Variants in PLPPR4 observed in about 807,000 individuals in gnomAD.
The protein encoded by PLPPR4 is phospholipid phosphatase related 4, also known as phospholipid phosphatase-related protein type 4.
Under a neutral mutation model 56.6 loss-of-function variants are expected in PLPPR4, and 24 were observed. The ratio of observed to expected loss-of-function variants is 0.42; its 90% CI spans 0.31 to 0.60. PLPPR4 has a LOEUF of 0.60. PLPPR4 is among the 20% of genes least tolerant of loss of function. PLPPR4 has a pLI of 0.13. For synonymous variants in PLPPR4, 326 were observed against 328.1 expected, an observed-to-expected ratio of 0.99 and a Z score of 0.07; for missense variants, 654 against 885.8, an observed-to-expected ratio of 0.74 and a Z score of 3.32.
intron 2 of PLPPR4, among the ~76,000 whole-genome samples, chr1:99,293,938 C>T (rs1288387616): frequency 6.6e-6 from 1 of 152,062 alleles, no homozygotes; most frequent in Admixed American, 6.6e-5. Flanking sequence ...ACAACAACAA[C>T]AAATTGCGTC....
At chr1:99,287,509 CA>C (rs1659495942) in intron 1 of PLPPR4, among the ~76,000 whole-genome samples, 1 of 152,194 alleles carries the variant, frequency 6.6e-6, no homozygotes, top group South Asian at 2.1e-4. Flanking sequence ...TTCCCACCAA[CA>C]GTGTAAAAGC....
In PLPPR4 at chr1:99,306,508, A is replaced by T; in HGVS notation, c.1646A>T (p.Glu549Val). Residue 549 changes from glutamate (E) to valine (V), a missense_variant, in exon 7 of 7, where the codon GAA becomes GTA. Transcript: ENST00000370185. This position sits in a 1 kb window ranked among gnomAD's most constrained non-coding sequence, Gnocchi z 4.0. ...GVLQSSPKNTEGSTVSCTGSI... is the reference protein window; with the variant it reads ...GVLQSSPKNTVGSTVSCTGSI... ...CTCCAAAGCAGCCCCAAGAACACTG[A>T]AGGCAGCACGGTCTCCTGCACTGGC... 6.2e-7 allele frequency: 1 copy of T among 1,614,136 alleles called. No homozygotes were observed. The highest frequency in any genetic ancestry group is 1.1e-5 in the South Asian group (1 of 91,072).
chr1:99,290,071 G>T (rs1266361058), intron 2 of PLPPR4, among the ~76,000 whole-genome samples: 2 of 152,162 alleles, frequency 1.3e-5, no homozygotes, highest in African/African-American at 4.8e-5. Context: ...AGCTTCTTAA[G>T]CTGATAAGCA....
chr1:99,287,498 A>G (rs1659495819), intron 1 of PLPPR4, among the ~76,000 whole-genome samples: 2 of 152,186 alleles, frequency 1.3e-5, no homozygotes, highest in South Asian at 2.1e-4. Flanking sequence ...ACTAATTTAC[A>G]TTCCCACCAA....
At chr1:99,274,547 T>C (rs116311208) in intron 1 of PLPPR4, among the ~76,000 whole-genome samples, 3,970 of 152,272 alleles carry the variant, frequency 0.026, 170 homozygotes, top group African/African-American at 0.087. Flanking sequence ...GTGCATACAA[T>C]GGTGGAGCAG....
At chr1:99,299,911 TA>T in intron 4 of PLPPR4, among the ~76,000 whole-genome samples, 1 of 152,014 alleles carries the variant, frequency 6.6e-6, no homozygotes, top group East Asian at 1.9e-4. Flanking sequence ...TCAAAAGAAA[TA>T]AATTGCAGAG....
intron 1 of PLPPR4, among the ~76,000 whole-genome samples, chr1:99,265,067 C>T (rs1658856435): frequency 6.6e-6 from 1 of 151,994 alleles, no homozygotes; most frequent in African/African-American, 2.4e-5. Context: ...TCCGTGTGCA[C>T]ACAGCTATGC....
intron 1 of PLPPR4, among the ~76,000 whole-genome samples, chr1:99,267,162 G>C (rs1436476896): frequency 1.3e-5 from 2 of 152,064 alleles, no homozygotes; most frequent in Non-Finnish European, 2.9e-5. Flanking sequence ...ACAGTCCCTG[G>C]TTCTCAAGTC....
chr1:99,273,477 G>A (rs1196735908), intron 1 of PLPPR4, among the ~76,000 whole-genome samples: 4 of 152,052 alleles, frequency 2.6e-5, no homozygotes, highest in African/African-American at 7.2e-5. Flanking sequence ...AAAAGTCTGC[G>A]CTATGGGTTT....
intron 1 of PLPPR4, among the ~76,000 whole-genome samples, chr1:99,265,155 C>A (rs1023368785): frequency 2.3e-5 from 3 of 131,460 alleles, no homozygotes; most frequent in East Asian, 2.5e-4. Context: ...CCCCCCCCCC[C>A]CAAATCCTTC....
In PLPPR4 at chr1:99,264,505, G is replaced by A; in HGVS notation, c.-89G>A. On this transcript the variant is annotated 5_prime_UTR_variant, in exon 1 of 7. Transcript: ENST00000370185. Reference sequence around the variant, plus strand: ...GGGGAATGTGACATCAGCGGCGCCGGGCGCTTGGGGCTGGAGGAGGCAGCT... The same window carrying A: ...GGGGAATGTGACATCAGCGGCGCCGAGCGCTTGGGGCTGGAGGAGGCAGCT... 6.5e-7 allele frequency: 1 copy of A among 1,542,684 alleles called. No individual in the cohort carries two copies. The highest frequency in any genetic ancestry group is 1.2e-5 in the South Asian group (1 of 84,034).
chr1:99,307,030 T>C lies in PLPPR4; in HGVS notation c.*20T>C. 1 of 1,564,302 alleles carries C rather than the reference T, an allele frequency of 6.4e-7. No homozygotes were observed. Among genetic ancestry groups the C allele is most frequent in the Non-Finnish European group, 8.6e-7 (1 of 1,161,382 alleles). ...GATTGAGTGATGTCCATTCCATCAT[T>C]AGGGCTACTCGCAAAAGACCATATG... On this transcript the variant is annotated 3_prime_UTR_variant, in exon 7 of 7. Transcript: ENST00000370185.
chr1:99,297,815 T>G (rs1196828972), intron 3 of PLPPR4, among the ~76,000 whole-genome samples: 1 of 152,020 alleles, frequency 6.6e-6, no homozygotes, highest in Non-Finnish European at 1.5e-5. Flanking sequence ...CTCCAGGACA[T>G]GTAGCTGCAC....
Position 99,309,484 on chromosome 1 carries a change from T to C in PLPPR4, c.*2474T>C, listed in dbSNP as rs775457720. 2.0e-5 allele frequency: 3 copies of C among 152,502 alleles called. No homozygotes were observed. Among genetic ancestry groups the C allele is most frequent in the Non-Finnish European group, 4.4e-5 (3 of 67,978 alleles). The allele number at this position is 152,502 out of a possible 1,614,324, so 9.4% of individuals were successfully genotyped here. A position where few individuals can be genotyped will look rare whatever the true frequency, so the allele number is the denominator to read the frequency against. Reference sequence around the variant, plus strand: ...ATGTTTTCCAAACTGATAAAGTTTGTAAAGTGCTATAAATGTATTTTGTTA... The same window carrying C: ...ATGTTTTCCAAACTGATAAAGTTTGCAAAGTGCTATAAATGTATTTTGTTA... On this transcript the variant is annotated 3_prime_UTR_variant, in exon 7 of 7. Transcript: ENST00000370185.
In PLPPR4 at chr1:99,308,602, C is replaced by T. The variant is rs892011391; in HGVS notation, c.*1592C>T. On this transcript the variant is annotated 3_prime_UTR_variant, in exon 7 of 7. Transcript: ENST00000370185. The stretch of plus-strand genomic sequence containing the variant: ...ACAGAGATGGTTGATCTGATCTTAG[C>T]TCACTTTCCAATAACAGAAGGAGTT... The T allele has an allele frequency of 1.5e-4, 23 of 152,574 alleles. No homozygotes were observed. The highest frequency in any genetic ancestry group is 5.5e-4 in the African/African-American group (23 of 41,442). 9.5% of individuals were successfully genotyped at this position (152,574 alleles called of 1,614,324 possible).
intron 4 of PLPPR4, among the ~76,000 whole-genome samples, chr1:99,300,433 T>C (rs1171210091): frequency 6.6e-6 from 1 of 152,020 alleles, no homozygotes; most frequent in Non-Finnish European, 1.5e-5. Context: ...CTTTCTAGAG[T>C]ATTAACAAAA....
intron 1 of PLPPR4, among the ~76,000 whole-genome samples, chr1:99,279,642 T>C (rs1659274776): frequency 6.6e-6 from 1 of 152,114 alleles, no homozygotes; most frequent in Non-Finnish European, 1.5e-5. Flanking sequence ...CCTGGGGCTG[T>C]CCTTTCCTGA....
chr1:99,301,674 T>G (rs1305520772), intron 5 of PLPPR4, 50 bp from the exon 6 acceptor site: 7 of 1,290,738 alleles, frequency 5.4e-6, no homozygotes, highest in Non-Finnish European at 7.6e-6. Flanking sequence ...TATAATTTAC[T>G]AATAAAATGG....
chr1:99,270,818 T>C (rs1014876102), intron 1 of PLPPR4, among the ~76,000 whole-genome samples: 3 of 152,226 alleles, frequency 2.0e-5, no homozygotes, highest in African/African-American at 7.2e-5. Context: ...TAGAGTCTGC[T>C]TAAAGAAGTA....
Sources: gnomAD v4.1 joint callset for allele counts (sites outside exome capture counted in the v4.1 genomes callset) on GRCh38, gnomAD v4.1.1 for gene constraint, Gnocchi (gnomAD v3.1) non-coding constraint, MANE v1.5 for transcripts, NCBI Gene and HGNC (gene_info 2026-07-23, HGNC 2026-07-21) for gene names.